Variants in NRXN1 observed in about 807,000 individuals in gnomAD.
NRXN1 encodes the protein neurexin-1.
Under a neutral mutation model 150.9 loss-of-function variants are expected in NRXN1, and 39 were observed. That is an observed-to-expected ratio of 0.26 (90% CI 0.20 to 0.34). NRXN1 has a LOEUF of 0.34. Ranked by LOEUF, NRXN1 falls within the 10% of genes least tolerant of loss-of-function variation. NRXN1 has a pLI of 1.00. For synonymous variants in NRXN1, 924 were observed against 757.0 expected (o/e 1.22, Z -3.62); for missense variants, 1,815 against 1,949.9 (o/e 0.93, Z 1.30).
chr2:50,315,761 C>T (rs2075551570), intron 17 of NRXN1, among the ~76,000 whole-genome samples: 1 of 152,156 alleles, frequency 6.6e-6, no homozygotes, highest in Admixed American at 6.6e-5. Context: ...AAAATAACAT[C>T]AAGAAGACTA....
chr2:50,842,186 TC>T (rs1360443083), intron 5 of NRXN1, among the ~76,000 whole-genome samples: 1 of 152,218 alleles, frequency 6.6e-6, no homozygotes, highest in Admixed American at 6.6e-5. Context: ...CATTAAATCA[TC>T]ACCCAACACT....
At chr2:50,719,654 C>T (rs183927528) in intron 5 of NRXN1, among the ~76,000 whole-genome samples, 9 of 152,038 alleles carry the variant, frequency 5.9e-5, no homozygotes, top group South Asian at 2.1e-4. Context: ...CCAGCCCAGG[C>T]GACAGTGCAA....
chr2:50,535,073 A>T (rs1307551622), intron 10 of NRXN1, among the ~76,000 whole-genome samples: 1 of 152,214 alleles, frequency 6.6e-6, no homozygotes, highest in Non-Finnish European at 1.5e-5. Context: ...ATGAAAGCCT[A>T]AACGATTCCT....
chr2:50,283,022 T>C (rs534853016), intron 17 of NRXN1, among the ~76,000 whole-genome samples: 1 of 152,314 alleles, frequency 6.6e-6, no homozygotes, highest in Admixed American at 6.5e-5. Context: ...AACAATAAGA[T>C]ATTTCACCTA....
At chr2:50,263,346 G>A (rs777055866) in intron 17 of NRXN1, among the ~76,000 whole-genome samples, 12 of 151,846 alleles carry the variant, frequency 7.9e-5, no homozygotes, top group Non-Finnish European at 1.6e-4. Context: ...ATGTACTTAT[G>A]GTAAGGTGGC....
chr2:50,383,336 T>C (rs979713024), intron 17 of NRXN1, among the ~76,000 whole-genome samples: 1 of 151,898 alleles, frequency 6.6e-6, no homozygotes, highest in African/African-American at 2.4e-5. Flanking sequence ...TCAGTTAGCG[T>C]AGGAGAAAAA....
intron 5 of NRXN1, among the ~76,000 whole-genome samples, chr2:50,763,754 C>T (rs543262135): frequency 6.6e-6 from 1 of 152,064 alleles, no homozygotes; most frequent in South Asian, 2.1e-4. Context: ...GTTATGAGAT[C>T]TCCCATACAG....
intron 2 of NRXN1, among the ~76,000 whole-genome samples, chr2:50,937,582 G>A (rs1688736010): frequency 6.6e-6 from 1 of 152,126 alleles, no homozygotes; most frequent in African/African-American, 2.4e-5. Flanking sequence ...ATTTCAGGCA[G>A]TCCCAGATTT....
At chr2:50,252,891 C>A (rs2067298512) in intron 17 of NRXN1, among the ~76,000 whole-genome samples, 1 of 152,130 alleles carries the variant, frequency 6.6e-6, no homozygotes, top group African/African-American at 2.4e-5. Flanking sequence ...CTTAGCTATA[C>A]AGATTCTTTT....
chr2:50,863,206 G>T (rs1168938019), intron 5 of NRXN1, among the ~76,000 whole-genome samples: 1 of 151,990 alleles, frequency 6.6e-6, no homozygotes, highest in African/African-American at 2.4e-5. Context: ...TTCAAAGAAA[G>T]AACAATGAGA....
chr2:49,949,145 C>T (rs1441267881), intron 21 of NRXN1, among the ~76,000 whole-genome samples: 3 of 151,792 alleles, frequency 2.0e-5, no homozygotes, highest in African/African-American at 2.4e-5. Flanking sequence ...TATGTCAGGA[C>T]GGGGGCAAAA....
intron 8 of NRXN1, among the ~76,000 whole-genome samples, chr2:50,609,261 G>T (rs903502451): frequency 5.9e-5 from 9 of 151,998 alleles, no homozygotes; most frequent in African/African-American, 2.2e-4. Context: ...ATATTTGTAG[G>T]GGTCAGTGTA....
chr2:51,020,111 T>C (rs1669358180), intron 2 of NRXN1, among the ~76,000 whole-genome samples: 1 of 151,822 alleles, frequency 6.6e-6, no homozygotes, highest in African/African-American at 2.4e-5. Context: ...ATATACATTT[T>C]ACGTATATAG....
intron 8 of NRXN1, among the ~76,000 whole-genome samples, chr2:50,553,303 A>T (rs1463968266): frequency 6.6e-6 from 1 of 152,238 alleles, no homozygotes; most frequent in Admixed American, 6.5e-5. Flanking sequence ...CAAATAATTT[A>T]AAAATCTGCA....
At chr2:50,164,837 C>T (rs1299831900) in intron 18 of NRXN1, among the ~76,000 whole-genome samples, 2 of 152,232 alleles carry the variant, frequency 1.3e-5, no homozygotes, top group East Asian at 1.9e-4. Context: ...AATTTAAGTG[C>T]GATTGAACTC....
At chr2:50,395,996 A>G (rs1054312446) in intron 17 of NRXN1, among the ~76,000 whole-genome samples, 1 of 152,196 alleles carries the variant, frequency 6.6e-6, no homozygotes, top group African/African-American at 2.4e-5. Context: ...CTATGTCTAG[A>G]GTATCCTTAC....
chr2:50,010,925 A>G (rs1685558556), intron 21 of NRXN1, among the ~76,000 whole-genome samples: 1 of 152,192 alleles, frequency 6.6e-6, no homozygotes, highest in African/African-American at 2.4e-5. Flanking sequence ...GACATAAAAT[A>G]TCTCTGCAAG....
intron 5 of NRXN1, among the ~76,000 whole-genome samples, chr2:50,901,025 C>A: frequency 6.6e-6 from 1 of 152,026 alleles, no homozygotes; most frequent in East Asian, 1.9e-4. Flanking sequence ...CTCCTGTGTC[C>A]CATTCACTGA....
At chr2:50,822,832 A>G (rs1332758686) in intron 5 of NRXN1, among the ~76,000 whole-genome samples, 2 of 152,176 alleles carry the variant, frequency 1.3e-5, no homozygotes, top group Admixed American at 6.5e-5. Flanking sequence ...TTAAGCCCCT[A>G]TCTAGAATTT....
Sources: allele counts gnomAD v4.1 joint callset (sites outside exome capture counted in the v4.1 genomes callset), GRCh38; gene constraint gnomAD v4.1.1; transcripts MANE v1.5; gene names NCBI Gene and HGNC (gene_info 2026-07-23, HGNC 2026-07-21).